Variants in PRSS35 observed in about 807,000 individuals in gnomAD.
The protein encoded by PRSS35 is inactive serine protease 35.
Under a neutral mutation model 8.1 loss-of-function variants are expected in PRSS35, and 7 were observed. The observed-to-expected ratio is 0.86, with a 90% CI of 0.49 to 1.62. The LOEUF (loss-of-function observed/expected upper bound fraction) is 1.62. PRSS35 is among the 40% of genes most tolerant of loss of function. The pLI is 0.00. For synonymous variants in PRSS35, 199 were observed against 188.7 expected (o/e 1.05, Z -0.45); for missense variants, 566 against 518.0 (o/e 1.09, Z -0.90).
rs996976750 is a variant in PRSS35 at position 83,524,303 on chromosome 6, A to G, written c.862A>G (p.Lys288Glu). Residue 288 changes from lysine to glutamate, a missense_variant, in exon 2 of 2, where the codon AAG becomes GAG. Lys to Glu is a moderately conservative substitution (Grantham distance 56, BLOSUM62 1). Transcript: ENST00000369700. ...TCTGGAGCTGAAGCGTGCTCACAAA[A>G]AGAAATACATGGAACTTGGAATCAG... ...ALLELKRAHK[K>E]KYMELGISPT... The G allele has an allele frequency of 6.2e-7, 1 of 1,614,036 alleles. No individual in the cohort carries two copies. The highest frequency in any genetic ancestry group is 1.3e-5 in the African/African-American group (1 of 74,914).
chr6:83,520,105 G>A lies in PRSS35; in HGVS notation c.-20-3317G>A, dbSNP rs576397858. Among the ~76,000 whole-genome samples the A allele has an allele frequency of 3.1e-4, 47 of 152,294 alleles. No homozygotes were observed. In the South Asian group the frequency reaches 7.1e-3, roughly 23 times the overall value. ...AAAAATAAAAATAAAAGTTAGTTAT[G>A]TTTGTTTTTTATTAATTGGCTGAGT... On this transcript the variant is annotated intron_variant, in intron 1 of 1. Transcript: ENST00000369700.
At chr6:83,522,076 C>T (rs1483787118) in intron 1 of PRSS35, among the ~76,000 whole-genome samples, 1 of 151,976 alleles carries the variant, frequency 6.6e-6, no homozygotes. Context: ...TGGCTGTGGG[C>T]CATTGCTAAT....
At chr6:83,516,790 T>C (rs555842098) in intron 1 of PRSS35, among the ~76,000 whole-genome samples, 112 of 152,266 alleles carry the variant, frequency 7.4e-4, no homozygotes, top group African/African-American at 2.7e-3. Context: ...TGGCCTCCGC[T>C]TACATCTATC....
Position 83,524,073 on chromosome 6 carries a change from G to C in PRSS35, c.632G>C (p.Ser211Thr), listed in dbSNP as rs1394888623. 1 of 1,614,056 alleles carries C rather than the reference G, an allele frequency of 6.2e-7. No homozygotes were observed. Among genetic ancestry groups the C allele is most frequent in the Admixed American group, 1.7e-5 (1 of 59,996 alleles). The stretch of plus-strand genomic sequence containing the variant: ...TCTAAGAGGAGCAGGAGAGAAGCTA[G>C]TGGTGGTGACCAAAGAGAGGGTACC... ...RGSKRSRREA[S>T]GGDQREGTRE... The change falls in exon 2 of 2, where the codon AGT becomes ACT. Residue 211 changes from serine to threonine, a missense_variant. Ser to Thr is a moderately conservative substitution (Grantham distance 58). Coordinates refer to ENST00000369700, the MANE Select transcript of PRSS35 (RefSeq NM_153362.3).
chr6:83,515,819 T>A (rs923213894), intron 1 of PRSS35, among the ~76,000 whole-genome samples: 2 of 114,942 alleles, frequency 1.7e-5, no homozygotes, highest in Non-Finnish European at 3.8e-5. Context: ...TACTACTACT[T>A]CTCTTTTCTT....
chr6:83,520,225 G>A lies in PRSS35; in HGVS notation c.-20-3197G>A, dbSNP rs147960320. On this transcript the variant is annotated intron_variant, in intron 1 of 1. Transcript: ENST00000369700. ...ATGAAGCAGATGTCATTTAAAACCC[G>A]GGTAAGCCATCATCCTTGGAAAGAC... Among the ~76,000 whole-genome samples the A allele has an allele frequency of 5.0e-3, 764 of 152,212 alleles. 9 individuals are homozygous for A. Among genetic ancestry groups the A allele is most frequent in the African/African-American group, 0.015 (619 of 41,534 alleles).
chr6:83,523,558 T>C lies in PRSS35; in HGVS notation c.117T>C (p.Ser39=), dbSNP rs1275730704. 6.2e-7 allele frequency: 1 copy of C among 1,614,164 alleles called. No homozygotes were observed. The highest frequency in any genetic ancestry group is 1.1e-5 in the South Asian group (1 of 91,082). The part of the protein sequence containing the change: ...WHLRKVPRIV[S]ERTFHLTSPA... ...TGAGAAAGGTACCCCGGATTGTCAG[T>C]GAAAGGACTTTCCATCTCACCAGCC... Residue 39 remains serine (S), a synonymous_variant, in exon 2 of 2, where the codon AGT becomes AGC. Transcript: ENST00000369700.
intron 1 of PRSS35, among the ~76,000 whole-genome samples, chr6:83,519,766 A>G (rs6914803): frequency 0.16 from 23,619 of 152,234 alleles, 1,961 homozygotes; most frequent in East Asian, 0.25. Flanking sequence ...ACCCAAGGGT[A>G]GACGTGGGCA....
intron 1 of PRSS35, among the ~76,000 whole-genome samples, chr6:83,522,175 T>C (rs1771834901): frequency 6.6e-6 from 1 of 152,216 alleles, no homozygotes; most frequent in African/African-American, 2.4e-5. Context: ...GATAAGCGAA[T>C]GCTGCATTGC....
Position 83,524,861 on chromosome 6 carries a change from A to G in PRSS35, c.*178A>G. Reference sequence around the variant, plus strand: ...AAAAAATGTATAGGTGCAGATATTGAAACTAGGTGGGCACTTCAATGCCAA... The same window carrying G: ...AAAAAATGTATAGGTGCAGATATTGGAACTAGGTGGGCACTTCAATGCCAA... On this transcript the variant is annotated 3_prime_UTR_variant, in exon 2 of 2. Transcript: ENST00000369700. 1.5e-6 allele frequency: 1 copy of G among 661,622 alleles called. No individual in the cohort carries two copies. The highest frequency in any genetic ancestry group is 2.5e-5 in the South Asian group (1 of 40,652). The allele number at this position is 661,622 out of a possible 1,614,324, so 41.0% of individuals were successfully genotyped here.
rs2127714214 is a variant in PRSS35 at position 83,524,255 on chromosome 6, A to G, written c.814A>G (p.Thr272Ala). ...GWARGGMGDA[T>A]LDYDYALLEL... ...GGCACGAGGAGGCATGGGGGACGCTACCTTGGACTATGACTATGCTCTTCT... is the reference window on the plus strand; with the variant it reads ...GGCACGAGGAGGCATGGGGGACGCTGCCTTGGACTATGACTATGCTCTTCT... The change falls in exon 2 of 2, where the codon ACC (threonine) becomes GCC (alanine). Residue 272 changes from threonine (T) to alanine (A), a missense_variant. Transcript: ENST00000369700. 1 of 1,614,130 alleles carries G rather than the reference A, an allele frequency of 6.2e-7. No individual in the cohort carries two copies. Among genetic ancestry groups the G allele is most frequent in the South Asian group, 1.1e-5 (1 of 91,080 alleles).
rs749623079 is a variant in PRSS35 at position 83,524,678 on chromosome 6, G to A, written c.1237G>A (p.Gly413Ser). 4.4e-6 allele frequency: 7 copies of A among 1,601,254 alleles called. No individual in the cohort carries two copies. The African/African-American group carries it at 5.4e-5, about 12-fold the overall frequency. ...IHGNDANCAYG is the reference protein window; with the variant it reads ...IHGNDANCAYS ...CGGGAACGATGCCAATTGTGCTTAC[G>A]GCTAACAGAGACCTGAAACAGGGCG... Residue 413 changes from glycine (G) to serine (S), a missense_variant, in exon 2 of 2, where the codon GGC (glycine) becomes AGC (serine). By Grantham distance (56) the Gly-to-Ser change is moderately conservative. Coordinates refer to ENST00000369700, the MANE Select transcript of PRSS35 (RefSeq NM_153362.3).
intron 1 of PRSS35, among the ~76,000 whole-genome samples, chr6:83,515,751 G>C (rs1427136356): frequency 1.3e-5 from 2 of 152,180 alleles, no homozygotes; most frequent in African/African-American, 4.8e-5. Flanking sequence ...CAAAGTGCTA[G>C]GATTACAGGT....
Position 83,524,761 on chromosome 6 carries a change from A to C in PRSS35, c.*78A>C. The C allele has an allele frequency of 7.2e-7, 1 of 1,381,432 alleles. No homozygotes were observed. The highest frequency in any genetic ancestry group is 9.8e-7 in the Non-Finnish European group (1 of 1,022,990). 85.6% of individuals were successfully genotyped at this position (1,381,432 alleles called of 1,614,324 possible). On this transcript the variant is annotated 3_prime_UTR_variant, in exon 2 of 2. Coordinates refer to ENST00000369700, the MANE Select transcript of PRSS35 (RefSeq NM_153362.3). ...CTGCTTACCGTAGTGAGATCACTTC[A>C]TAGGTTATGCCTGGACTTGAACTCT... is the stretch of plus-strand genomic sequence containing the variant.
Position 83,523,822 on chromosome 6 carries a change from CG to C in PRSS35, c.382del (p.Asp128ThrfsTer12). 1 of 1,614,130 alleles carries C rather than the reference CG, an allele frequency of 6.2e-7. No individual in the cohort carries two copies. Among genetic ancestry groups the C allele is most frequent in the Non-Finnish European group, 8.5e-7 (1 of 1,180,048 alleles). On this transcript the variant is annotated frameshift_variant, in exon 2 of 2. Transcript: ENST00000369700. LOFTEE classifies it low-confidence loss of function (END_TRUNC). ...VRRKRQVYGT[D>X]SRFSILDKRF... Reference sequence around the variant, plus strand: ...GGAGAAAGAGACAGGTGTATGGCACCGACAGCAGGTTCAGCATCTTGGACAA... The same window carrying C: ...GGAGAAAGAGACAGGTGTATGGCACCACAGCAGGTTCAGCATCTTGGACAA...
chr6:83,519,600 T>TTTACCACAA (rs1771785354), intron 1 of PRSS35, among the ~76,000 whole-genome samples: 1 of 152,226 alleles, frequency 6.6e-6, no homozygotes, highest in African/African-American at 2.4e-5. Flanking sequence ...TATGCCACAT[T>TTTACCACAA]GACATTTTAC....
At chr6:83,521,493 C>G (rs1247281737) in intron 1 of PRSS35, among the ~76,000 whole-genome samples, 1 of 139,250 alleles carries the variant, frequency 7.2e-6, no homozygotes, top group Non-Finnish European at 1.5e-5. Context: ...CTCCCTTCTC[C>G]TTCCCTTCCC....
chr6:83,524,489 G>A lies in PRSS35; in HGVS notation c.1048G>A (p.Val350Ile). ...TGAGTCGGGCTCCACCGGTTCGGGG[G>A]TCTATCTGCGTCTGAAAGATCCAGA... ...DAESGSTGSGVYLRLKDPDKK... is the reference protein window; with the variant it reads ...DAESGSTGSGIYLRLKDPDKK... The change falls in exon 2 of 2, where the codon GTC becomes ATC. Residue 350 changes from valine (V) to isoleucine (I), a missense_variant. Physicochemically the swap from Val to Ile is conservative, Grantham distance 29 (BLOSUM62 3). Transcript: ENST00000369700. 1 of 1,614,188 alleles carries A rather than the reference G, an allele frequency of 6.2e-7. No homozygotes were observed. The highest frequency in any genetic ancestry group is 8.5e-7 in the Non-Finnish European group (1 of 1,180,044).
intron 1 of PRSS35, among the ~76,000 whole-genome samples, chr6:83,516,575 C>CAAAAA (rs70987760): frequency 2.0e-5 from 2 of 101,882 alleles, no homozygotes; most frequent in African/African-American, 3.7e-5. Flanking sequence ...GACTGCGTCT[C>CAAAAA]AAAAAAAAAA....
Sources: allele counts gnomAD v4.1 joint callset (sites outside exome capture counted in the v4.1 genomes callset), GRCh38; gene constraint gnomAD v4.1.1; transcripts MANE v1.5; gene names NCBI Gene and HGNC (gene_info 2026-07-23, HGNC 2026-07-21).